The following RSPH3 variants were observed in gnomAD, a reference collection of about 807,000 sequenced individuals.
RSPH3 encodes radial spoke head protein 3 homolog.
A neutral mutation model predicts 43.8 loss-of-function variants in RSPH3; 21 were observed. The observed-to-expected ratio is 0.48, with a 90% CI of 0.34 to 0.69. The LOEUF (loss-of-function observed/expected upper bound fraction) is 0.69, where lower values mean the gene tolerates loss of function less well. RSPH3 is among the 30% of genes least tolerant of loss of function. The pLI is 0.01. For missense variants in RSPH3, 487 were observed against 516.0 expected (o/e 0.94, Z 0.54); for synonymous variants, 173 against 179.8 (o/e 0.96, Z 0.30).
In RSPH3 at chr6:158,993,842, TG is replaced by T; in HGVS notation, c.200del (p.Pro67HisfsTer9). ...AGACTATTCAAACTGAACTTACCAG[TG>T]GCCCTGTCTGGAGTGCATAAGTGTT... ...RGNTYALQTG[P>X]LLGRPDSLEL... On this transcript the variant is annotated frameshift_variant, in exon 2 of 8. Coordinates refer to ENST00000367069, the MANE Select transcript of RSPH3 (RefSeq NM_031924.8). LOFTEE classifies it high-confidence loss of function. The T allele has an allele frequency of 6.3e-7, 1 of 1,582,220 alleles. No individual in the cohort carries two copies. Among genetic ancestry groups the T allele is most frequent in the Non-Finnish European group, 8.7e-7 (1 of 1,151,456 alleles).
In RSPH3 at chr6:158,982,470, T is replaced by C; in HGVS notation, c.696+15A>G. 2 of 1,548,340 alleles carry C rather than the reference T, an allele frequency of 1.3e-6. No individual in the cohort carries two copies. The highest frequency in any genetic ancestry group is 1.7e-6 in the Non-Finnish European group (2 of 1,143,204). ...CCAAAAGACTGCCTAAGAAAGAAAA[T>C]ATAATTATATATACTTTTTCTTCTC... On this transcript the variant is annotated intron_variant, in intron 5 of 7. Coordinates refer to ENST00000367069, the MANE Select transcript of RSPH3 (RefSeq NM_031924.8).
At chr6:158,990,768 G>A (rs574403437) in intron 2 of RSPH3, among the ~76,000 whole-genome samples, 2 of 151,514 alleles carry the variant, frequency 1.3e-5, no homozygotes, top group South Asian at 2.1e-4. Context: ...CCAAATTTGT[G>A]GAATTTTCAA....
chr6:158,976,798 T>C lies in RSPH3; in HGVS notation c.*740A>G, dbSNP rs141373323. On this transcript the variant is annotated 3_prime_UTR_variant, in exon 8 of 8. Coordinates refer to ENST00000367069, the MANE Select transcript of RSPH3 (RefSeq NM_031924.8). ...CACTGTGGCTTTCAGTAGCACAACGTTTAGGCATTCTCTCTCTTTTTTTTC... is the reference window on the plus strand; with the variant it reads ...CACTGTGGCTTTCAGTAGCACAACGCTTAGGCATTCTCTCTCTTTTTTTTC... 590 of 152,694 alleles carry C rather than the reference T, an allele frequency of 3.9e-3. 5 individuals carry two copies. Among genetic ancestry groups the C allele is most frequent in the African/African-American group, 0.013 (551 of 41,558 alleles). 9.5% of individuals were successfully genotyped at this position (152,694 alleles called of 1,614,324 possible).
chr6:158,982,824 T>C, intron 4 of RSPH3, 136 bp from the exon 5 acceptor site: 2 of 602,198 alleles, frequency 3.3e-6, no homozygotes, highest in Non-Finnish European at 5.7e-6. Context: ...TGGTGCTTTA[T>C]TCATGGTTTC....
rs142857859 is a variant in RSPH3 at position 158,982,580 on chromosome 6, G to T, written c.601C>A (p.Arg201=). The T allele has an allele frequency of 2.5e-6, 4 of 1,613,500 alleles. No individual in the cohort carries two copies. The highest frequency in any genetic ancestry group is 2.2e-5 in the East Asian group (1 of 44,850). The part of the protein sequence containing the change: ...VMEEEELANL[R]ASQREYEELR... ...TCTTCATACTCACGCTGACTGGCCCGCAGGTTAGCCAGCTCTTCTTCTTCC... is the reference window on the plus strand; with the variant it reads ...TCTTCATACTCACGCTGACTGGCCCTCAGGTTAGCCAGCTCTTCTTCTTCC... Residue 201 remains arginine, a synonymous_variant, in exon 5 of 8, where the codon CGG becomes AGG. Transcript: ENST00000367069.
chr6:158,997,731 T>C (rs1359318655), intron 1 of RSPH3, among the ~76,000 whole-genome samples: 1 of 152,212 alleles, frequency 6.6e-6, no homozygotes, highest in Non-Finnish European at 1.5e-5. Flanking sequence ...TCTGATTGGA[T>C]AGTAATGATT....
chr6:158,978,938 G>A (rs1431706304), intron 6 of RSPH3, among the ~76,000 whole-genome samples: 2 of 152,174 alleles, frequency 1.3e-5, no homozygotes, highest in Non-Finnish European at 2.9e-5. Flanking sequence ...GGGGGAGGAT[G>A]TGGGTTTGGG....
At chr6:158,966,825 C>G in the RSPH3 span, among the ~76,000 whole-genome samples, 1 of 150,488 alleles carries the variant, frequency 6.6e-6, no homozygotes, top group Non-Finnish European at 1.5e-5. Flanking sequence ...TCATTTATTT[C>G]TGCTCTAATC....
Position 158,977,805 on chromosome 6 carries a change from C to A in RSPH3, c.990G>T (p.Glu330Asp). The A allele has an allele frequency of 6.2e-7, 1 of 1,614,108 alleles. No homozygotes were observed. Among genetic ancestry groups the A allele is most frequent in the Non-Finnish European group, 8.5e-7 (1 of 1,179,996 alleles). The part of the protein sequence containing the change: ...EVVEKRLCMY[E>D]HGEDTHQSPE... ...GAGACTGATGTGTGTCTTCCCCATG[C>A]TCATACATACACAGCCTCTTTTCAA... Residue 330 changes from glutamate to aspartate, a missense_variant, in exon 8 of 8, where the codon GAG becomes GAT. Transcript: ENST00000367069.
chr6:158,980,749 T>A (rs1466178933), intron 6 of RSPH3, 25 bp downstream of exon 6: 1 of 1,584,168 alleles, frequency 6.3e-7, no homozygotes, highest in Non-Finnish European at 8.6e-7. Flanking sequence ...ACAACAAAAT[T>A]AATCTAACAA....
the RSPH3 span, among the ~76,000 whole-genome samples, chr6:158,964,855 T>C: frequency 2.0e-5 from 3 of 152,218 alleles, no homozygotes; most frequent in Non-Finnish European, 4.4e-5. Flanking sequence ...TCACCATTTG[T>C]GCTTTTGATG....
chr6:158,997,113 A>C (rs77225875), intron 1 of RSPH3, among the ~76,000 whole-genome samples: 17,211 of 152,024 alleles, frequency 0.11, 1,705 homozygotes, highest in East Asian at 0.41. Flanking sequence ...AACAACAAGA[A>C]AAGCCCTCAC....
In RSPH3 at chr6:158,980,897, G is replaced by A. The variant is rs760779133; in HGVS notation, c.736C>T (p.His246Tyr). Residue 246 changes from histidine (H) to tyrosine (Y), a missense_variant, in exon 6 of 8, where the codon CAC (histidine) becomes TAC (tyrosine). By Grantham distance (83) the His-to-Tyr change is moderately conservative (BLOSUM62 2). Coordinates refer to ENST00000367069, the MANE Select transcript of RSPH3 (RefSeq NM_031924.8). ...GCGATTTTTTGTGATGTCTCGTTGT[G>A]CTTGTGCATTATTTCCCACTGCTGT... ...KKQQWEIMHK[H>Y]NETSQKIAAR... The A allele has an allele frequency of 2.5e-6, 4 of 1,614,114 alleles. No homozygotes were observed. The highest frequency in any genetic ancestry group is 3.3e-4 in the Middle Eastern group (2 of 6,060).
chr6:158,997,154 C>T (rs544146615), intron 1 of RSPH3, among the ~76,000 whole-genome samples: 4 of 152,030 alleles, frequency 2.6e-5, no homozygotes, highest in African/African-American at 4.8e-5. Flanking sequence ...GCACCATGCT[C>T]TTGTACTTCT....
chr6:158,986,397 G>C lies in RSPH3; in HGVS notation c.229C>G (p.Leu77Val). ...TTCCTAGCCTCCCGTTGTCTCTGGA[G>C]CTCTAGAGAATCAGGCCGTCCGAGC... Reference protein sequence around the residue: ...PLLGRPDSLELQRQREARKRA... With the variant: ...PLLGRPDSLEVQRQREARKRA... The change falls in exon 3 of 8, where the codon CTC becomes GTC. Residue 77 changes from leucine to valine, a missense_variant. Transcript: ENST00000367069. 1 of 1,613,800 alleles carries C rather than the reference G, an allele frequency of 6.2e-7. No individual in the cohort carries two copies. Among genetic ancestry groups the C allele is most frequent in the East Asian group, 2.2e-5 (1 of 44,892 alleles).
chr6:158,983,417 A>G (rs990001858), intron 4 of RSPH3, among the ~76,000 whole-genome samples: 1 of 152,258 alleles, frequency 6.6e-6, no homozygotes, highest in Non-Finnish European at 1.5e-5. Flanking sequence ...ACAAAAATCA[A>G]ATGTGGAAAT....
rs745517093 is a variant in RSPH3, at chr6:158,999,619, G to C, written c.-69C>G. On this transcript the variant is annotated 5_prime_UTR_variant, in exon 1 of 8. Coordinates refer to ENST00000367069, the MANE Select transcript of RSPH3 (RefSeq NM_031924.8). ...AAGCAGGTGGGCGCTAAGGTGTTGTGGGACCCGGAGAGATGTAAGTAGTGC... is the reference window on the plus strand; with the variant it reads ...AAGCAGGTGGGCGCTAAGGTGTTGTCGGACCCGGAGAGATGTAAGTAGTGC... The C allele has an allele frequency of 6.2e-7, 1 of 1,613,450 alleles. No homozygotes were observed. Among genetic ancestry groups the C allele is most frequent in the South Asian group, 1.1e-5 (1 of 91,016 alleles).
intron 1 of RSPH3, among the ~76,000 whole-genome samples, chr6:158,996,437 C>T (rs959724285): frequency 6.6e-6 from 1 of 152,204 alleles, no homozygotes; most frequent in Non-Finnish European, 1.5e-5. Context: ...TCACATTAGA[C>T]TTGTGTTAAA....
intron 4 of RSPH3, 77 bp from the exon 5 acceptor site, chr6:158,982,765 A>G: frequency 2.2e-6 from 2 of 893,874 alleles, no homozygotes; most frequent in Non-Finnish European, 1.8e-6. Flanking sequence ...ATGAATAGCA[A>G]TAACAAGATA....
Sources: gnomAD v4.1 joint callset for allele counts (sites outside exome capture counted in the v4.1 genomes callset) on GRCh38, gnomAD v4.1.1 for gene constraint, MANE v1.5 for transcripts, NCBI Gene and HGNC (gene_info 2026-07-23, HGNC 2026-07-21) for gene names.